Variants in POLE observed in about 807,000 individuals in gnomAD.
POLE encodes the protein DNA polymerase epsilon catalytic subunit A.
In POLE, 188 loss-of-function variants were observed where a neutral mutation model predicts 279.2. The ratio of observed to expected loss-of-function variants is 0.67; its 90% CI spans 0.60 to 0.76. The LOEUF is 0.76. POLE is among the 30% of genes least tolerant of loss of function. POLE has a pLI of 0.00. For synonymous variants in POLE, 1,214 were observed against 1,172.5 expected (o/e 1.04, Z -0.72); for missense variants, 2,703 against 3,016.7 (o/e 0.90, Z 2.44).
At chr12:132,687,005 G>C (rs1188169617) in intron 1 of POLE, among the ~76,000 whole-genome samples, 2 of 151,342 alleles carry the variant, frequency 1.3e-5, no homozygotes, top group Non-Finnish European at 3.0e-5. Context: ...ACCTCAGAAA[G>C]AGCCGAGCAG....
chr12:132,650,130 A>G (rs890729572), intron 29 of POLE, among the ~76,000 whole-genome samples: 11 of 151,896 alleles, frequency 7.2e-5, no homozygotes, highest in African/African-American at 2.7e-4. Context: ...GATCACTTGA[A>G]CCCAGGAGTT....
chr12:132,640,633 A>G (rs942263897), intron 39 of POLE, among the ~76,000 whole-genome samples: 37 of 152,370 alleles, frequency 2.4e-4, no homozygotes, highest in Admixed American at 9.8e-4. Flanking sequence ...GGATTCCAAA[A>G]CTGCACATCA....
chr12:132,687,326 G>A lies in POLE; in HGVS notation c.-11C>T. The A allele has an allele frequency of 2.0e-6, 3 of 1,498,064 alleles. No homozygotes were observed. In the South Asian group the frequency reaches 3.7e-5, roughly 19 times the overall value. The allele number at this position is 1,498,064 out of a possible 1,614,324, so 92.8% of individuals were successfully genotyped here. A position where few individuals can be genotyped will look rare whatever the true frequency, so the allele number is the denominator to read the frequency against. ...GCTCCTCAGAGACATGGAGCCGTTG[G>A]CTACCACCTCTGCTTCAGGGGAGAA... On this transcript the variant is annotated 5_prime_UTR_variant, in exon 1 of 49. Transcript: ENST00000320574.
intron 25 of POLE, chr12:132,659,838 C>T (rs2042639716): frequency 7.1e-6 from 2 of 281,394 alleles, no homozygotes; most frequent in South Asian, 4.4e-5. Flanking sequence ...ATTACAGGCA[C>T]ATGCCATCAC....
At chr12:132,680,308 C>G in intron 3 of POLE, 86 bp from the exon 4 acceptor site, 1 of 1,264,318 alleles carries the variant, frequency 7.9e-7, no homozygotes, top group Non-Finnish European at 1.2e-6. Flanking sequence ...CTCCTATATC[C>G]CATGAACAGC....
At chr12:132,679,922 A>G (rs1379911211) in intron 5 of POLE, 32 bp downstream of exon 5, 1 of 1,490,970 alleles carries the variant, frequency 6.7e-7, no homozygotes, top group East Asian at 2.3e-5. Flanking sequence ...CTCTGGCCTC[A>G]TTTACCCCTG....
intron 43 of POLE, chr12:132,633,051 C>T (rs139306338): frequency 1.3e-5 from 5 of 396,766 alleles, no homozygotes; most frequent in Non-Finnish European, 1.8e-5. Flanking sequence ...TACACTAAGC[C>T]TCTCACTGGG....
chr12:132,632,800 G>A lies in POLE; in HGVS notation c.6005-5C>T, dbSNP rs2138465689. On this transcript the variant is annotated splice_region_variant and splice_polypyrimidine_tract_variant and intron_variant, in intron 43 of 48. Coordinates refer to ENST00000320574, the MANE Select transcript of POLE (RefSeq NM_006231.4). The stretch of plus-strand genomic sequence containing the variant: ...GGTACACGGCCACGATGTACGCTGT[G>A]GAGAGGCACACACACCACAGGCCCT... 6.2e-7 allele frequency: 1 copy of A among 1,600,246 alleles called. No homozygotes were observed. Among genetic ancestry groups the A allele is most frequent in the Non-Finnish European group, 8.5e-7 (1 of 1,175,380 alleles).
rs2135978358 is a variant in POLE, at chr12:132,668,723, C to T, written c.1938G>A (p.Val646=). 1 of 1,614,024 alleles carries T rather than the reference C, an allele frequency of 6.2e-7. No individual in the cohort carries two copies. The highest frequency in any genetic ancestry group is 8.5e-7 in the Non-Finnish European group (1 of 1,179,892). Residue 646 remains valine (V), a synonymous_variant, in exon 18 of 49, where the codon GTG becomes GTA. Coordinates refer to ENST00000320574, the MANE Select transcript of POLE (RefSeq NM_006231.4). The surrounding 1 kb of genome is among the most constrained non-coding windows in gnomAD (Gnocchi z 4.0). The stretch of plus-strand genomic sequence containing the variant: ...CACAGGCAGCACAGGTGGCTTCGTC[C>T]ACCATGGCAGAGGGCTGGGAGGGGT... ...LTNRLQPSAM[V]DEATCAACDF... is the part of the protein sequence containing the mutation.
At position 132,643,599 on chromosome 12, in the gene POLE, G is replaced by C. The variant is rs752276331; in HGVS notation, c.4291-39C>G. 10 of 1,612,002 alleles carry C rather than the reference G, an allele frequency of 6.2e-6. No homozygotes were observed. The African/African-American group carries it at 1.2e-4, about 19-fold the overall frequency. On this transcript the variant is annotated intron_variant, in intron 33 of 48. Transcript: ENST00000320574. ...GCAGACAGGCCGGCAAGGGCTGGAT[G>C]GTGGGGGCTCTGGCTGCCCACGTGA... is the stretch of plus-strand genomic sequence containing the variant.
intron 26 of POLE, among the ~76,000 whole-genome samples, chr12:132,658,905 A>AAAAAAAAAAAAAAAAAAAC (rs2042613269): frequency 6.6e-6 from 1 of 151,254 alleles, no homozygotes; most frequent in Non-Finnish European, 1.5e-5. Flanking sequence ...AAAAAAAAAA[A>AAAAAAAAAAAAAAAAAAAC]AAAGAGCAGT....
At chr12:132,666,954 C>T (rs567449330) in intron 20 of POLE, among the ~76,000 whole-genome samples, 3 of 152,220 alleles carry the variant, frequency 2.0e-5, no homozygotes, top group Admixed American at 6.5e-5. Flanking sequence ...CAGCAGGGGC[C>T]GTGCTGAGTC....
intron 31 of POLE, 117 bp from the exon 32 acceptor site, chr12:132,649,189 G>A: frequency 6.7e-7 from 1 of 1,494,862 alleles, no homozygotes; most frequent in Non-Finnish European, 9.1e-7. Flanking sequence ...CCTACGATGG[G>A]CAGGAAACTC....
intron 45 of POLE, among the ~76,000 whole-genome samples, chr12:132,627,615 C>T (rs536803178): frequency 6.6e-6 from 1 of 152,276 alleles, no homozygotes; most frequent in East Asian, 1.9e-4. Flanking sequence ...TAGGTTTACC[C>T]TATACTGTAG....
intron 29 of POLE, among the ~76,000 whole-genome samples, chr12:132,655,060 A>C (rs1370014507): frequency 6.6e-6 from 1 of 152,200 alleles, no homozygotes; most frequent in Non-Finnish European, 1.5e-5. Context: ...GTGCACCACC[A>C]TGCCTGGTTA....
intron 29 of POLE, among the ~76,000 whole-genome samples, chr12:132,655,052 G>A (rs544082391): frequency 6.4e-4 from 97 of 152,246 alleles, no homozygotes; most frequent in African/African-American, 2.3e-3. Flanking sequence ...CTATAGGTGT[G>A]CACCACCATG....
chr12:132,687,117 C>G, intron 1 of POLE, 137 bp downstream of exon 1: 1 of 459,660 alleles, frequency 2.2e-6, no homozygotes, highest in Non-Finnish European at 3.3e-6. Context: ...GCGCGCCGCC[C>G]TACCCCAGTC....
At chr12:132,676,766 C>T in intron 8 of POLE, 113 bp from the exon 9 acceptor site, 1 of 699,234 alleles carries the variant, frequency 1.4e-6, no homozygotes. Flanking sequence ...AGTCAAAAGG[C>T]TCTAGAGCTG....
intron 41 of POLE, among the ~76,000 whole-genome samples, chr12:132,637,646 C>T (rs2042059985): frequency 6.6e-6 from 1 of 152,220 alleles, no homozygotes; most frequent in Non-Finnish European, 1.5e-5. Flanking sequence ...CCAACACTGA[C>T]GTCTATGAAA....
Sources: allele counts gnomAD v4.1 joint callset (sites outside exome capture counted in the v4.1 genomes callset), GRCh38; gene constraint gnomAD v4.1.1; non-coding constraint Gnocchi (gnomAD v3.1); transcripts MANE v1.5; gene names NCBI Gene and HGNC (gene_info 2026-07-23, HGNC 2026-07-21).